The following NOX4 variants were observed in gnomAD, a reference collection of about 807,000 sequenced individuals.
NOX4 encodes NADPH oxidase 4.
A neutral mutation model predicts 87.6 loss-of-function variants in NOX4; 69 were observed. The ratio of observed to expected loss-of-function variants is 0.79; its 90% CI spans 0.65 to 0.96. NOX4 has a LOEUF of 0.96. Among genes scored for constraint, NOX4 ranks in the 40% least tolerant of loss-of-function variants. The pLI is 0.00. For missense variants in NOX4, 680 were observed against 681.5 expected (o/e 1.00, Z 0.02); for synonymous variants, 275 against 238.2 (o/e 1.15, Z -1.42).
At chr11:89,416,815 T>C (rs764855305) in intron 8 of NOX4, among the ~76,000 whole-genome samples, 3 of 152,172 alleles carry the variant, frequency 2.0e-5, no homozygotes, top group Non-Finnish European at 2.9e-5. Context: ...AAGTAGAATA[T>C]AAATCATGCT....
At chr11:89,563,113 T>A in the NOX4 span, among the ~76,000 whole-genome samples, 1 of 152,304 alleles carries the variant, frequency 6.6e-6, no homozygotes, top group African/African-American at 2.4e-5. Flanking sequence ...TAAGTCAATT[T>A]AACCTCTTTT....
intron 17 of NOX4, among the ~76,000 whole-genome samples, chr11:89,328,877 G>T (rs1220034478): frequency 6.6e-6 from 1 of 152,138 alleles, no homozygotes; most frequent in South Asian, 2.1e-4. Flanking sequence ...CAGAGAAAAA[G>T]CCACCTGAAG....
intron 17 of NOX4, among the ~76,000 whole-genome samples, chr11:89,328,419 G>A (rs1320599251): frequency 6.6e-6 from 1 of 152,116 alleles, no homozygotes; most frequent in Non-Finnish European, 1.5e-5. Flanking sequence ...GGGGATATTG[G>A]TAAAATTAGC....
At chr11:89,528,197 G>T in the NOX4 span, among the ~76,000 whole-genome samples, 1 of 152,244 alleles carries the variant, frequency 6.6e-6, no homozygotes, top group Middle Eastern at 3.4e-3. Flanking sequence ...TTTGGAACGG[G>T]GGTATTTACC....
chr11:89,548,435 C>T, the NOX4 span: 1 of 152,320 alleles, frequency 6.6e-6, no homozygotes, highest in African/African-American at 2.4e-5. Context: ...AAATTTCTAT[C>T]ATTTACAACA....
chr11:89,484,928 G>T (rs1946532088), intron 2 of NOX4, among the ~76,000 whole-genome samples: 1 of 152,060 alleles, frequency 6.6e-6, no homozygotes, highest in Non-Finnish European at 1.5e-5. Flanking sequence ...AGGATTTAAT[G>T]ACCAAATCTC....
chr11:89,473,071 T>C (rs1397678639), intron 2 of NOX4, among the ~76,000 whole-genome samples: 1 of 152,212 alleles, frequency 6.6e-6, no homozygotes, highest in Non-Finnish European at 1.5e-5. Context: ...ATTAAATTCC[T>C]ATCAATATTT....
chr11:89,456,782 C>T (rs548209873), intron 2 of NOX4, among the ~76,000 whole-genome samples: 1 of 152,150 alleles, frequency 6.6e-6, no homozygotes, highest in Non-Finnish European at 1.5e-5. Context: ...GCAGAGCCCA[C>T]AGGGTTTGGG....
chr11:89,478,376 A>G (rs571539261), intron 2 of NOX4, among the ~76,000 whole-genome samples: 1 of 152,298 alleles, frequency 6.6e-6, no homozygotes, highest in South Asian at 2.1e-4. Context: ...TTAATAAATC[A>G]TTTACAGGTA....
chr11:89,551,614 A>G, the NOX4 span, among the ~76,000 whole-genome samples: 39 of 152,132 alleles, frequency 2.6e-4, no homozygotes, highest in African/African-American at 8.7e-4. Context: ...TTGGTGTATA[A>G]GAATGCTTGT....
At chr11:89,524,802 A>T in the NOX4 span, among the ~76,000 whole-genome samples, 1 of 152,112 alleles carries the variant, frequency 6.6e-6, no homozygotes, top group East Asian at 1.9e-4. Context: ...ATTACCTCAC[A>T]TTAACATTTT....
chr11:89,488,976 T>A (rs1469304265), intron 2 of NOX4: 2 of 702,744 alleles, frequency 2.8e-6, no homozygotes, highest in Non-Finnish European at 5.2e-6. Flanking sequence ...CTGAAATGTA[T>A]AGGTTTCAAG....
intron 6 of NOX4, among the ~76,000 whole-genome samples, chr11:89,438,923 TATATAATA>T (rs1190583274): frequency 1.3e-5 from 1 of 74,112 alleles, no homozygotes; most frequent in Non-Finnish European, 2.4e-5. Flanking sequence ...ATATAAAATA[TATATAATA>T]ATATAATATA....
At chr11:89,561,213 C>T in the NOX4 span, among the ~76,000 whole-genome samples, 3 of 150,424 alleles carry the variant, frequency 2.0e-5, no homozygotes, top group Non-Finnish European at 4.4e-5. Context: ...TAAAGGATTA[C>T]AATACATTTA....
chr11:89,456,977 G>A (rs747748856), intron 2 of NOX4, among the ~76,000 whole-genome samples: 1 of 152,128 alleles, frequency 6.6e-6, no homozygotes, highest in Non-Finnish European at 1.5e-5. Flanking sequence ...GGTACAGCCT[G>A]GCTATATGTA....
upstream of NOX4, among the ~76,000 whole-genome samples, chr11:89,501,744 T>C (rs1947023240): frequency 6.6e-6 from 1 of 152,012 alleles, no homozygotes; most frequent in Admixed American, 6.6e-5. Flanking sequence ...AAGTCAAAGC[T>C]GCAGGGGGCA....
chr11:89,562,719 C>G, the NOX4 span, among the ~76,000 whole-genome samples: 1 of 152,152 alleles, frequency 6.6e-6, no homozygotes, highest in Non-Finnish European at 1.5e-5. Context: ...TGGGCTCCTC[C>G]TTCTTTCATA....
intron 2 of NOX4, among the ~76,000 whole-genome samples, chr11:89,456,708 C>A (rs977255682): frequency 1.3e-5 from 2 of 152,132 alleles, no homozygotes; most frequent in Non-Finnish European, 2.9e-5. Context: ...GCCCATGACT[C>A]CCACGGACAC....
upstream of NOX4, among the ~76,000 whole-genome samples, chr11:89,493,257 C>T (rs1417976682): frequency 6.6e-6 from 1 of 152,014 alleles, no homozygotes; most frequent in Non-Finnish European, 1.5e-5. Flanking sequence ...TGGTGGCAGG[C>T]GCCTGTAGTC....
Sources: gnomAD v4.1 joint callset for allele counts (sites outside exome capture counted in the v4.1 genomes callset) on GRCh38, gnomAD v4.1.1 for gene constraint, MANE v1.5 for transcripts, NCBI Gene and HGNC (gene_info 2026-07-23, HGNC 2026-07-21) for gene names.